Variants in UNC79 observed in about 807,000 individuals in gnomAD.
UNC79 encodes protein unc-79 homolog.
In UNC79, 37 loss-of-function variants were observed where a neutral mutation model predicts 283.1. The ratio of observed to expected loss-of-function variants is 0.13; its 90% CI spans 0.10 to 0.17. The LOEUF is 0.17. Ranked by LOEUF, UNC79 falls within the 10% of genes least tolerant of loss-of-function variation. The pLI, the probability that UNC79 is intolerant of heterozygous loss-of-function variation, is 1.00. For missense variants in UNC79, 2,272 were observed against 3,211.1 expected, an observed-to-expected ratio of 0.71 and a Z score of 7.07; for synonymous variants, 1,107 against 1,200.2, an observed-to-expected ratio of 0.92 and a Z score of 1.61.
intron 1 of UNC79, among the ~76,000 whole-genome samples, chr14:93,392,190 C>T (rs2054897747): frequency 6.6e-6 from 1 of 152,030 alleles, no homozygotes; most frequent in African/African-American, 2.4e-5. Flanking sequence ...TGTGTGTCAC[C>T]AAGAAGTGAC....
At position 93,418,542 on chromosome 14, in the gene UNC79, C is replaced by G. The variant is rs1405873613; in HGVS notation, c.-350-49129C>G. On this transcript the variant is annotated intron_variant, in intron 1 of 49. Coordinates refer to the UNC79 transcript ENST00000256339. ...GCTGCATGCTGGGAGAACCACTGCT[C>G]TCTTCAAAGCTGTCAGACAGGGACA... is the stretch of plus-strand genomic sequence containing the variant. Among the ~76,000 whole-genome samples the G allele has an allele frequency of 3.3e-5, 5 of 151,780 alleles. No homozygotes were observed. The East Asian group carries it at 9.7e-4, about 30-fold the overall frequency.
intron 14 of UNC79, among the ~76,000 whole-genome samples, chr14:93,552,052 T>C (rs907238865): frequency 6.6e-6 from 1 of 152,248 alleles, no homozygotes; most frequent in Admixed American, 6.5e-5. Flanking sequence ...GCATAAACTT[T>C]AACCATCTGT....
At chr14:93,572,864 A>T (rs1209774374) in intron 16 of UNC79, 48 bp downstream of exon 16, 1 of 1,602,700 alleles carries the variant, frequency 6.2e-7, no homozygotes. Context: ...TTCTTAGCTT[A>T]TAAGCTTTAG....
intron 1 of UNC79, among the ~76,000 whole-genome samples, chr14:93,398,182 T>C (rs1944151129): frequency 6.6e-6 from 1 of 152,158 alleles, no homozygotes; most frequent in Admixed American, 6.5e-5. Flanking sequence ...TATAGGTATA[T>C]TGAAGCATAA....
In UNC79 at chr14:93,597,646, A is replaced by G. The variant is rs994938023; in HGVS notation, c.3372+106A>G. The G allele has an allele frequency of 4.9e-6, 6 of 1,234,020 alleles. No homozygotes were observed. The African/African-American group carries it at 9.1e-5, about 19-fold the overall frequency. The allele number at this position is 1,234,020 out of a possible 1,614,324, so 76.4% of individuals were successfully genotyped here. On this transcript the variant is annotated intron_variant, in intron 24 of 48. Transcript: ENST00000555664. ...AGTCTGTTTGACCTGCTATAACAGA[A>G]TACCATAAACTGGGTAGTTTATAAA... is the stretch of plus-strand genomic sequence containing the variant.
At chr14:93,484,573 G>A (rs1266656659) in intron 4 of UNC79, among the ~76,000 whole-genome samples, 1 of 152,154 alleles carries the variant, frequency 6.6e-6, no homozygotes, top group Non-Finnish European at 1.5e-5. Flanking sequence ...GGAGGATAGG[G>A]AATAGGACTG....
chr14:93,482,172 C>A (rs144819690), intron 4 of UNC79, among the ~76,000 whole-genome samples: 2 of 152,264 alleles, frequency 1.3e-5, no homozygotes, highest in Non-Finnish European at 2.9e-5. Context: ...AGTTGAAATT[C>A]ACACACTGTC....
intron 7 of UNC79, among the ~76,000 whole-genome samples, chr14:93,499,491 A>G (rs2059179430): frequency 6.6e-6 from 1 of 152,222 alleles, no homozygotes; most frequent in Non-Finnish European, 1.5e-5. Flanking sequence ...AGGAACCAAC[A>G]CAAAACCAGG....
chr14:93,696,832 C>A (rs999541060), intron 47 of UNC79, among the ~76,000 whole-genome samples: 4 of 152,030 alleles, frequency 2.6e-5, no homozygotes, highest in Non-Finnish European at 2.9e-5. Context: ...TTTAAAAAAT[C>A]TTTGCCTAGC....
At chr14:93,483,366 A>C (rs1379065757) in intron 4 of UNC79, among the ~76,000 whole-genome samples, 1 of 152,110 alleles carries the variant, frequency 6.6e-6, no homozygotes, top group Non-Finnish European at 1.5e-5. Flanking sequence ...TGTGGCTACT[A>C]AGCTCTTAAA....
At chr14:93,635,650 T>G (rs558992285) in intron 31 of UNC79, among the ~76,000 whole-genome samples, 1 of 152,330 alleles carries the variant, frequency 6.6e-6, no homozygotes, top group East Asian at 1.9e-4. Flanking sequence ...AGAGTGCTAG[T>G]CTAGATAACT....
At chr14:93,376,403 C>G (rs2054559068) in intron 1 of UNC79, among the ~76,000 whole-genome samples, 1 of 151,964 alleles carries the variant, frequency 6.6e-6, no homozygotes, top group African/African-American at 2.4e-5. Context: ...CTAATGCGTT[C>G]CAGGGTAGAA....
intron 17 of UNC79, among the ~76,000 whole-genome samples, chr14:93,576,903 C>T (rs568044429): frequency 6.6e-6 from 1 of 152,266 alleles, no homozygotes; most frequent in South Asian, 2.1e-4. Context: ...CCCAGCACTT[C>T]AGGAGGCTGA....
At chr14:93,625,842 G>A (rs949360912) in intron 30 of UNC79, among the ~76,000 whole-genome samples, 38 of 152,222 alleles carry the variant, frequency 2.5e-4, no homozygotes, top group African/African-American at 8.4e-4. Context: ...GCACCTATCA[G>A]ATGAATGTGA....
Position 93,565,628 on chromosome 14 carries a change from G to C in UNC79, c.1756-6266G>C, listed in dbSNP as rs117370840. ...TTACATCCACAGGGACTCAAATATA[G>C]AAGTATGGAGTTCTTCTCAGGCCGT... On this transcript the variant is annotated intron_variant, in intron 14 of 48. Transcript: ENST00000555664. Among the ~76,000 whole-genome samples the C allele has an allele frequency of 6.0e-3, 919 of 151,998 alleles. 6 individuals are homozygous for C. Among genetic ancestry groups the C allele is most frequent in the Non-Finnish European group, 8.1e-3 (553 of 67,980 alleles).
chr14:93,624,377 G>C (rs895465863), intron 30 of UNC79, among the ~76,000 whole-genome samples: 1 of 152,184 alleles, frequency 6.6e-6, no homozygotes, highest in African/African-American at 2.4e-5. Context: ...GGGAAACTGG[G>C]ACACCTTTTT....
intron 23 of UNC79, among the ~76,000 whole-genome samples, chr14:93,595,825 C>T (rs2065039926): frequency 6.6e-6 from 1 of 152,172 alleles, no homozygotes; most frequent in African/African-American, 2.4e-5. Flanking sequence ...CTATTTTAGT[C>T]AATTTAACTT....
At chr14:93,657,814 A>G (rs901052493) in intron 38 of UNC79, among the ~76,000 whole-genome samples, 5 of 152,192 alleles carry the variant, frequency 3.3e-5, no homozygotes, top group African/African-American at 4.8e-5. Context: ...AATAAAGGAG[A>G]AAAGATAATA....
At chr14:93,459,673 A>ATTTTTTTTTTTT (rs2056891651) in intron 1 of UNC79, among the ~76,000 whole-genome samples, 1 of 57,212 alleles carries the variant, frequency 1.7e-5, no homozygotes, top group African/African-American at 8.5e-5. Context: ...GGTTTATTCA[A>ATTTTTTTTTTTT]CTTTTTTTTT....
Sources: allele counts gnomAD v4.1 joint callset (sites outside exome capture counted in the v4.1 genomes callset), GRCh38; gene constraint gnomAD v4.1.1; transcripts MANE v1.5; gene names NCBI Gene and HGNC (gene_info 2026-07-23, HGNC 2026-07-21).